LYRM4: variants seen among roughly 807,000 people sequenced by gnomAD.
The protein encoded by LYRM4 is LYR motif containing 4.
In LYRM4, 9 loss-of-function variants were observed where a neutral mutation model predicts 11.7. That is an observed-to-expected ratio of 0.77 (90% CI 0.46 to 1.34). The LOEUF (loss-of-function observed/expected upper bound fraction) is 1.34. LYRM4 is among the 40% of genes most tolerant of loss of function. The pLI is 0.00. For synonymous variants in LYRM4, 42 were observed against 40.4 expected, an observed-to-expected ratio of 1.04 and a Z score of -0.15; for missense variants, 133 against 112.5, an observed-to-expected ratio of 1.18 and a Z score of -0.82.
the LYRM4 span, among the ~76,000 whole-genome samples, chr6:5,096,385 G>A: frequency 1.3e-5 from 2 of 152,186 alleles, no homozygotes; most frequent in African/African-American, 4.8e-5. Flanking sequence ...AGCTACTTGA[G>A]AGGCTGAGGT....
downstream of LYRM4, among the ~76,000 whole-genome samples, chr6:5,098,702 C>A (rs1762411719): frequency 1.3e-5 from 2 of 152,180 alleles, no homozygotes; most frequent in Non-Finnish European, 2.9e-5. Flanking sequence ...AGGTACACGT[C>A]CACGCGCCTC....
chr6:5,118,094 A>ATATATATATATATATT, intron 2 of LYRM4, among the ~76,000 whole-genome samples: 6 of 86,130 alleles, frequency 7.0e-5, no homozygotes, highest in East Asian at 6.2e-4. Context: ...ATATATATAT[A>ATATATATATATATATT]TTTTTGTTTT....
At chr6:5,213,312 G>A (rs1762081415) in intron 2 of LYRM4, among the ~76,000 whole-genome samples, 1 of 152,170 alleles carries the variant, frequency 6.6e-6, no homozygotes, top group African/African-American at 2.4e-5. Context: ...AACTTACTAG[G>A]GTTATGGGAC....
intron 1 of LYRM4, among the ~76,000 whole-genome samples, chr6:5,221,461 A>G (rs1228542149): frequency 1.3e-5 from 2 of 151,918 alleles, no homozygotes; most frequent in African/African-American, 4.8e-5. Flanking sequence ...CTGGGAGGCC[A>G]AGGCGGGCGG....
intron 1 of LYRM4, among the ~76,000 whole-genome samples, chr6:5,244,760 T>C (rs1764063835): frequency 6.6e-6 from 1 of 151,646 alleles, no homozygotes; most frequent in South Asian, 2.1e-4. Flanking sequence ...GCTGCACACA[T>C]GGACATTCAA....
chr6:5,164,967 C>CAAAA (rs34814956), intron 2 of LYRM4, among the ~76,000 whole-genome samples: 1 of 105,048 alleles, frequency 9.5e-6, no homozygotes, highest in African/African-American at 3.8e-5. Flanking sequence ...GACTGTGTCT[C>CAAAA]AAAAAAAAAA....
intron 1 of LYRM4, among the ~76,000 whole-genome samples, 175 bp downstream of exon 1, chr6:5,260,473 G>A (rs772856975): frequency 6.6e-6 from 1 of 152,236 alleles, no homozygotes; most frequent in Non-Finnish European, 1.5e-5. Context: ...CGAGGTCTCA[G>A]AGGCCACACC....
chr6:5,113,903 C>G (rs1167834895), intron 2 of LYRM4, among the ~76,000 whole-genome samples: 3 of 152,244 alleles, frequency 2.0e-5, no homozygotes, highest in Non-Finnish European at 4.4e-5. Context: ...TTACACATCA[C>G]TATAACTATG....
chr6:5,080,347 T>C, the LYRM4 span, among the ~76,000 whole-genome samples: 1 of 152,238 alleles, frequency 6.6e-6, no homozygotes, highest in Admixed American at 6.5e-5. Flanking sequence ...GAGTGGAACC[T>C]GCAATTCTCC....
the LYRM4 span, chr6:5,086,275 C>G: frequency 6.5e-7 from 1 of 1,535,558 alleles, no homozygotes; most frequent in Admixed American, 2.0e-5. Flanking sequence ...CCTGGACGTG[C>G]CGGCTGAGCT....
At chr6:5,251,749 C>T (rs1764440548) in intron 1 of LYRM4, among the ~76,000 whole-genome samples, 1 of 152,178 alleles carries the variant, frequency 6.6e-6, no homozygotes, top group Non-Finnish European at 1.5e-5. Context: ...TCATTGCATG[C>T]TAGCCTTCTT....
At chr6:5,260,608 CTGG>C (rs1554148323) in intron 1 of LYRM4, 37 bp downstream of exon 1, 8 of 1,338,040 alleles carry the variant, frequency 6.0e-6, no homozygotes, top group Admixed American at 2.1e-5. Context: ...TCCCCGGCCC[CTGG>C]CCCCCCGCCC....
intron 2 of LYRM4, among the ~76,000 whole-genome samples, chr6:5,174,517 C>T (rs973904673): frequency 6.6e-6 from 1 of 152,258 alleles, no homozygotes; most frequent in African/African-American, 2.4e-5. Flanking sequence ...CTCAGCGCGT[C>T]GCATCCTGTT....
chr6:5,184,342 A>G (rs537584400), intron 2 of LYRM4, among the ~76,000 whole-genome samples: 3 of 152,324 alleles, frequency 2.0e-5, no homozygotes, highest in South Asian at 4.2e-4. Flanking sequence ...TCCTTCTTCA[A>G]AAGAGCTGTC....
At chr6:5,048,716 C>T in the LYRM4 span, among the ~76,000 whole-genome samples, 1 of 152,156 alleles carries the variant, frequency 6.6e-6, no homozygotes, top group Non-Finnish European at 1.5e-5. Flanking sequence ...TTCAGAGCCC[C>T]ATGTGTACAA....
At chr6:5,153,935 G>T (rs1758236700) in intron 2 of LYRM4, among the ~76,000 whole-genome samples, 1 of 151,990 alleles carries the variant, frequency 6.6e-6, no homozygotes, top group South Asian at 2.1e-4. Flanking sequence ...ACCCTGAAAC[G>T]CCCTAAACAG....
intron 1 of LYRM4, among the ~76,000 whole-genome samples, chr6:5,224,481 A>G (rs1307689633): frequency 6.6e-6 from 1 of 152,322 alleles, no homozygotes; most frequent in East Asian, 1.9e-4. Context: ...ATGGATACTG[A>G]TGTTCTTAAT....
At chr6:5,092,138 G>T in the LYRM4 span, among the ~76,000 whole-genome samples, 1 of 152,202 alleles carries the variant, frequency 6.6e-6, no homozygotes, top group Non-Finnish European at 1.5e-5. Context: ...CCTGCAGATG[G>T]TTTTTCTACA....
At chr6:5,086,797 C>A in the LYRM4 span, 1 of 552,966 alleles carries the variant, frequency 1.8e-6, no homozygotes. Context: ...TCTTCTCGTC[C>A]GTTTGACCTT....
Sources: allele counts gnomAD v4.1 joint callset (sites outside exome capture counted in the v4.1 genomes callset), GRCh38; gene constraint gnomAD v4.1.1; transcripts MANE v1.5; gene names NCBI Gene and HGNC (gene_info 2026-07-23, HGNC 2026-07-21).